Variants in PRIM2 observed in about 807,000 individuals in gnomAD.
PRIM2 encodes DNA primase large subunit.
A neutral mutation model predicts 67.3 loss-of-function variants in PRIM2; 39 were observed. That is an observed-to-expected ratio of 0.58 (90% CI 0.45 to 0.76). PRIM2 has a LOEUF of 0.76. PRIM2 is among the 30% of genes least tolerant of loss of function. The pLI, the probability that PRIM2 is intolerant of heterozygous loss-of-function variation, is 0.00. For synonymous variants in PRIM2, 143 were observed against 198.7 expected (o/e 0.72, Z 2.36); for missense variants, 398 against 598.7 (o/e 0.66, Z 3.50).
At chr6:57,495,840 C>G (rs1209995869) in intron 7 of PRIM2, among the ~76,000 whole-genome samples, 1 of 152,138 alleles carries the variant, frequency 6.6e-6, no homozygotes, top group African/African-American at 2.4e-5. Context: ...ATCTCCTCAG[C>G]TTAAGCAATC....
chr6:57,279,087 C>T, the PRIM2 span, among the ~76,000 whole-genome samples: 7 of 152,152 alleles, frequency 4.6e-5, no homozygotes, highest in Non-Finnish European at 7.3e-5. Context: ...CATTCTCCTA[C>T]CCAAAGGGGT....
chr6:57,273,848 C>G, the PRIM2 span, among the ~76,000 whole-genome samples: 3 of 152,002 alleles, frequency 2.0e-5, no homozygotes, highest in Non-Finnish European at 2.9e-5. Context: ...TTCTAACAGA[C>G]AGGTACCTCA....
chr6:57,308,802 A>C, the PRIM2 span, among the ~76,000 whole-genome samples: 1 of 151,892 alleles, frequency 6.6e-6, no homozygotes, highest in Non-Finnish European at 1.5e-5. Context: ...TATCATTTAC[A>C]TTTCCTTCAT....
At chr6:57,355,690 A>G (rs907520167) in intron 5 of PRIM2, among the ~76,000 whole-genome samples, 6 of 152,130 alleles carry the variant, frequency 3.9e-5, no homozygotes, top group African/African-American at 1.4e-4. Context: ...TCTATTGCCC[A>G]GGCTGGAGTG....
the PRIM2 span, among the ~76,000 whole-genome samples, chr6:57,236,057 TAG>T: frequency 3.2e-3 from 495 of 152,332 alleles, 5 homozygotes; most frequent in African/African-American, 0.011. Flanking sequence ...TGTGTTGTCT[TAG>T]AGCACTACGT....
chr6:57,416,413 C>T (rs1182409709), intron 7 of PRIM2, among the ~76,000 whole-genome samples: 5 of 152,072 alleles, frequency 3.3e-5, no homozygotes, highest in Non-Finnish European at 5.9e-5. Flanking sequence ...TTCTAGAGCA[C>T]AAGCAGAGTG....
At chr6:57,471,790 T>A (rs1181389358) in intron 7 of PRIM2, among the ~76,000 whole-genome samples, 3 of 152,136 alleles carry the variant, frequency 2.0e-5, no homozygotes, top group Admixed American at 1.3e-4. Flanking sequence ...TGAAAAAAAA[T>A]GAAGTATATG....
chr6:57,485,218 G>C (rs1164211458), intron 7 of PRIM2, among the ~76,000 whole-genome samples: 1 of 151,868 alleles, frequency 6.6e-6, no homozygotes, highest in Non-Finnish European at 1.5e-5. Flanking sequence ...ACCGTGGTTA[G>C]TCTAGGGCAG....
chr6:57,345,506 G>GTGTGTGTGTGTGTACATACA (rs369673115), intron 5 of PRIM2, among the ~76,000 whole-genome samples: 1 of 122,248 alleles, frequency 8.2e-6, no homozygotes, highest in Non-Finnish European at 1.7e-5. Flanking sequence ...GTGTGTGTGT[G>GTGTGTGTGTGTGTACATACA]TACATACATA....
At chr6:57,311,112 T>C (rs9475832), upstream of PRIM2, among the ~76,000 whole-genome samples, 26,964 of 123,052 alleles carry the variant, frequency 0.22, 2,887 homozygotes, top group African/African-American at 0.28. Context: ...CGGGCAGAGA[T>C]GCCCCTCACC....
At chr6:57,235,408 G>A in the PRIM2 span, among the ~76,000 whole-genome samples, 1 of 151,200 alleles carries the variant, frequency 6.6e-6, no homozygotes. Context: ...AGATTGCAGT[G>A]AGCTGAGATC....
intron 3 of PRIM2, among the ~76,000 whole-genome samples, chr6:57,322,082 G>A (rs566355383): frequency 4.0e-4 from 61 of 152,296 alleles, no homozygotes; most frequent in African/African-American, 1.2e-3. Context: ...GGATATAGAA[G>A]ATGTACTTTT....
Position 57,430,430 on chromosome 6 carries a change from T to C in PRIM2, c.693+48262T>C, listed in dbSNP as rs1179373645. Among the ~76,000 whole-genome samples, 7 of 149,714 alleles carry C rather than the reference T, an allele frequency of 4.7e-5. No individual in the cohort carries two copies. The East Asian group carries it at 1.4e-3, about 29-fold the overall frequency. On this transcript the variant is annotated intron_variant, in intron 7 of 13. Transcript: ENST00000615550. ...TTTTGTATGTAATGTTAGCTTTGTA[T>C]AGGAGTTTCTTTCTTTGTTTTTTTT... is the stretch of plus-strand genomic sequence containing the variant.
chr6:57,589,468 G>A (rs1776248272), intron 10 of PRIM2, among the ~76,000 whole-genome samples: 1 of 152,012 alleles, frequency 6.6e-6, no homozygotes, highest in Non-Finnish European at 1.5e-5. Flanking sequence ...GGAAAGCTGG[G>A]AGGGGAATAT....
At chr6:57,310,418 C>T (rs1186862409), upstream of PRIM2, among the ~76,000 whole-genome samples, 1 of 152,258 alleles carries the variant, frequency 6.6e-6, no homozygotes, top group Non-Finnish European at 1.5e-5. Flanking sequence ...TTTCTTAGTA[C>T]AGAACAAAAT....
chr6:57,302,762 C>A, the PRIM2 span, among the ~76,000 whole-genome samples: 3 of 152,158 alleles, frequency 2.0e-5, no homozygotes, highest in Non-Finnish European at 2.9e-5. Flanking sequence ...AGAACTCAGT[C>A]ATAAGAGTCC....
chr6:57,308,659 C>G, the PRIM2 span, among the ~76,000 whole-genome samples: 1 of 152,064 alleles, frequency 6.6e-6, no homozygotes, highest in South Asian at 2.1e-4. Context: ...ACACGAGTTC[C>G]TAGTCAACAC....
intron 2 of PRIM2, among the ~76,000 whole-genome samples, chr6:57,319,262 C>T (rs1275232417): frequency 6.6e-6 from 1 of 152,202 alleles, no homozygotes; most frequent in African/African-American, 2.4e-5. Context: ...GGCCACCGTC[C>T]TGGGGGCCTA....
chr6:57,259,785 C>G, the PRIM2 span, among the ~76,000 whole-genome samples: 9 of 152,190 alleles, frequency 5.9e-5, no homozygotes, highest in African/African-American at 2.2e-4. Flanking sequence ...CCACCCTCGC[C>G]CTGGAGTCCC....
Sources: allele counts gnomAD v4.1 joint callset (sites outside exome capture counted in the v4.1 genomes callset), GRCh38; gene constraint gnomAD v4.1.1; transcripts MANE v1.5; gene names NCBI Gene and HGNC (gene_info 2026-07-23, HGNC 2026-07-21).